The following HEATR5B variants were observed in gnomAD, a reference collection of about 807,000 sequenced individuals.
HEATR5B encodes the protein HEAT repeat containing 5B.
Under a neutral mutation model 224.1 loss-of-function variants are expected in HEATR5B, and 156 were observed. The observed-to-expected ratio is 0.70, with a 90% CI of 0.61 to 0.80. The LOEUF (loss-of-function observed/expected upper bound fraction) is 0.80. Ranked by LOEUF, HEATR5B falls within the 30% of genes least tolerant of loss-of-function variation. The pLI is 0.00. For synonymous variants in HEATR5B, 1,027 were observed against 893.0 expected (o/e 1.15, Z -2.68); for missense variants, 2,323 against 2,535.5 (o/e 0.92, Z 1.80).
chr2:37,036,571 G>A (rs1669490249), intron 21 of HEATR5B, among the ~76,000 whole-genome samples: 1 of 151,608 alleles, frequency 6.6e-6, no homozygotes, highest in Non-Finnish European at 1.5e-5. Context: ...GAGTGCAATG[G>A]CGCAATCTTG....
In HEATR5B at chr2:37,008,839, C is replaced by T. The variant is rs369941774; in HGVS notation, c.4294G>A (p.Val1432Ile). 2.5e-6 allele frequency: 4 copies of T among 1,586,012 alleles called. No homozygotes were observed. In the African/African-American group the frequency reaches 5.4e-5, roughly 21 times the overall value. The change falls in exon 28 of 36, where the codon GTC becomes ATC. Residue 1432 changes from valine to isoleucine, a missense_variant. Val to Ile is a conservative substitution (Grantham distance 29). Transcript: ENST00000233099. ...GCTTCCTTTTTAATATTCATAGCGA[C>T]CACATATACCTAATATGATATTTAT... ...VLKAWAEVYV[V>I]AMNIKKEAES...
intron 34 of HEATR5B, among the ~76,000 whole-genome samples, chr2:36,990,313 G>T (rs1293760589): frequency 6.6e-6 from 1 of 152,170 alleles, no homozygotes; most frequent in Non-Finnish European, 1.5e-5. Flanking sequence ...TTTCTAGCAG[G>T]TTCATTAAAA....
At chr2:37,071,448 T>C (rs997570203) in intron 6 of HEATR5B, among the ~76,000 whole-genome samples, 2 of 152,006 alleles carry the variant, frequency 1.3e-5, no homozygotes, top group African/African-American at 4.8e-5. Flanking sequence ...TCAAGAAAAA[T>C]TAAAAATTAA....
Position 37,040,322 on chromosome 2 carries a change from T to G in HEATR5B, c.3046+7A>C. 5.6e-6 allele frequency: 9 copies of G among 1,605,682 alleles called. No individual in the cohort carries two copies. Among genetic ancestry groups the G allele is most frequent in the Non-Finnish European group, 7.7e-6 (9 of 1,175,028 alleles). On this transcript the variant is annotated splice_region_variant and intron_variant, in intron 20 of 35. Coordinates refer to ENST00000233099, the MANE Select transcript of HEATR5B (RefSeq NM_019024.3). ...CTAGGTTCCTTAATTTCAGATGATTTACTTACCTTGTAGTTCAGGGCCAAC... is the reference window on the plus strand; with the variant it reads ...CTAGGTTCCTTAATTTCAGATGATTGACTTACCTTGTAGTTCAGGGCCAAC...
chr2:37,059,552 G>A (rs985966437), intron 12 of HEATR5B, among the ~76,000 whole-genome samples: 11 of 141,226 alleles, frequency 7.8e-5, no homozygotes, highest in Admixed American at 3.0e-4. Flanking sequence ...CAACCTCCAC[G>A]TCCTAGGTTC....
chr2:37,028,914 C>T lies in HEATR5B; in HGVS notation c.3368G>A (p.Ser1123Asn), dbSNP rs1322008608. The change falls in exon 23 of 36, where the codon AGT becomes AAT. Residue 1123 changes from serine to asparagine, a missense_variant. Around this residue, in one of 12 missense-constraint regions of HEATR5B, gnomAD observed 339 missense variants for 378.4 expected, o/e 0.90. Transcript: ENST00000233099. ...AGAACTAACCCCAGGGGCAAAAGGA[C>T]TGACATCTGAAAGGTAATTTTTACA... ...GDKESSSANV[S>N]PFAPGVSSRT... The T allele has an allele frequency of 6.2e-7, 1 of 1,613,456 alleles. No homozygotes were observed. Among genetic ancestry groups the T allele is most frequent in the East Asian group, 2.2e-5 (1 of 44,872 alleles).
At chr2:37,014,115 A>C in intron 26 of HEATR5B, 95 bp from the exon 27 acceptor site, 1 of 618,452 alleles carries the variant, frequency 1.6e-6, no homozygotes, top group East Asian at 3.0e-5. Flanking sequence ...GATAAAACAC[A>C]AAACCAAAGA....
intron 16 of HEATR5B, among the ~76,000 whole-genome samples, chr2:37,054,210 TTGAGA>T (rs1670746306): frequency 6.7e-6 from 1 of 148,988 alleles, no homozygotes; most frequent in African/African-American, 2.5e-5. Context: ...TTTTTTTTTT[TTGAGA>T]TGGAGTTTCG....
At position 36,981,451 on chromosome 2, in the gene HEATR5B, C is replaced by T; in HGVS notation, c.*39G>A. The T allele has an allele frequency of 6.7e-7, 1 of 1,501,332 alleles. No individual in the cohort carries two copies. Among genetic ancestry groups the T allele is most frequent in the Non-Finnish European group, 9.1e-7 (1 of 1,102,062 alleles). 93.0% of individuals were successfully genotyped at this position (1,501,332 alleles called of 1,614,324 possible). On this transcript the variant is annotated 3_prime_UTR_variant, in exon 36 of 36. Coordinates refer to ENST00000233099, the MANE Select transcript of HEATR5B (RefSeq NM_019024.3). The stretch of plus-strand genomic sequence containing the variant: ...TACAGTGGCCATCACTAATTAGGGG[C>T]TAGTTGACAACATAAATACAAATAA...
At chr2:37,074,891 T>A (rs1018478604) in intron 5 of HEATR5B, among the ~76,000 whole-genome samples, 12 of 152,184 alleles carry the variant, frequency 7.9e-5, no homozygotes, top group Non-Finnish European at 1.6e-4. Context: ...TTAGAATGGC[T>A]TAAATTAAAA....
intron 24 of HEATR5B, among the ~76,000 whole-genome samples, chr2:37,027,125 T>C (rs1040067965): frequency 6.6e-6 from 1 of 151,966 alleles, no homozygotes; most frequent in East Asian, 1.9e-4. Context: ...AAAATATCTA[T>C]GTGAGCTCTG....
At chr2:37,082,289 A>G (rs938123585) in intron 2 of HEATR5B, among the ~76,000 whole-genome samples, 1 of 151,896 alleles carries the variant, frequency 6.6e-6, no homozygotes. Flanking sequence ...CATGTTGGCC[A>G]GGCTAGTCTG....
chr2:37,008,675 T>G lies in HEATR5B; in HGVS notation c.4458A>C (p.Ala1486=). 6.2e-7 allele frequency: 1 copy of G among 1,614,218 alleles called. No individual in the cohort carries two copies. The highest frequency in any genetic ancestry group is 1.1e-5 in the South Asian group (1 of 91,080). ...TCAAGAGTGCATAATCTTTTAATGC[T>G]GCTAACCACAGGCGACTGAGTGTTG... ...ELPTLSRLWL[A]ALKDYALLTL... Residue 1486 remains alanine, a synonymous_variant, in exon 28 of 36, where the codon GCA becomes GCC. Coordinates refer to ENST00000233099, the MANE Select transcript of HEATR5B (RefSeq NM_019024.3).
chr2:37,043,293 C>T (rs1007006839), intron 18 of HEATR5B, among the ~76,000 whole-genome samples: 5 of 152,096 alleles, frequency 3.3e-5, no homozygotes, highest in African/African-American at 1.2e-4. Context: ...TCAATAGATA[C>T]CAAGAAGTAA....
rs1671830147 is a variant in HEATR5B at position 37,070,315 on chromosome 2, C to T, written c.842G>A (p.Gly281Glu). The change falls in exon 7 of 36, where the codon GGA becomes GAA. Residue 281 changes from glycine to glutamate, a missense_variant. Around this residue, in one of 12 missense-constraint regions of HEATR5B, gnomAD observed 5 missense variants for 21.0 expected, o/e 0.24. Transcript: ENST00000233099. ...ACCGCTCTTTAAGAAACCTGACCCT[C>T]CACGCAGAAATCCTGTGGCCATGAG... ...LELMATGFLR[G>E]GSGFLKSGGE... 1 of 1,613,900 alleles carries T rather than the reference C, an allele frequency of 6.2e-7. No individual in the cohort carries two copies. Among genetic ancestry groups the T allele is most frequent in the African/African-American group, 1.3e-5 (1 of 74,908 alleles).
At position 37,053,489 on chromosome 2, in the gene HEATR5B, T is replaced by G; in HGVS notation, c.2505+13A>C. 6.8e-7 allele frequency: 1 copy of G among 1,478,664 alleles called. No homozygotes were observed. Among genetic ancestry groups the G allele is most frequent in the Non-Finnish European group, 9.3e-7 (1 of 1,074,698 alleles). The allele number at this position is 1,478,664 out of a possible 1,614,324, so 91.6% of individuals were successfully genotyped here. Reference sequence around the variant, plus strand: ...AAACTTATTTCAGAATAGTATGTATTAAAAGTAAATACCTTTAGTGCACTA... The same window carrying G: ...AAACTTATTTCAGAATAGTATGTATGAAAAGTAAATACCTTTAGTGCACTA... On this transcript the variant is annotated intron_variant, in intron 17 of 35. Transcript: ENST00000233099.
At chr2:37,033,479 AG>A (rs1470717532) in intron 21 of HEATR5B, among the ~76,000 whole-genome samples, 3 of 152,212 alleles carry the variant, frequency 2.0e-5, no homozygotes, top group South Asian at 2.1e-4. Flanking sequence ...ATGAAAAGTT[AG>A]GGGGCAGAGC....
intron 35 of HEATR5B, among the ~76,000 whole-genome samples, chr2:36,984,099 C>G (rs1418213973): frequency 1.3e-5 from 2 of 148,404 alleles, no homozygotes; most frequent in East Asian, 4.0e-4. Flanking sequence ...ACTCCTGAGG[C>G]TGAGGCAGGA....
intron 33 of HEATR5B, among the ~76,000 whole-genome samples, chr2:36,999,529 G>A (rs991792815): frequency 5.3e-5 from 8 of 151,196 alleles, no homozygotes; most frequent in African/African-American, 1.2e-4. Flanking sequence ...AAATACACAC[G>A]TTAGCCAGGC....
Sources: gnomAD v4.1 joint callset for allele counts (sites outside exome capture counted in the v4.1 genomes callset) on GRCh38, gnomAD v4.1.1 for gene constraint, gnomAD v4.1.1 regional missense constraint, MANE v1.5 for transcripts, NCBI Gene and HGNC (gene_info 2026-07-23, HGNC 2026-07-21) for gene names.